Variants in ADAMTSL2 observed in about 807,000 individuals in gnomAD.
ADAMTSL2 encodes the protein ADAMTS like 2.
A neutral mutation model predicts 117.0 loss-of-function variants in ADAMTSL2; 55 were observed. The ratio of observed to expected loss-of-function variants is 0.47; its 90% CI spans 0.38 to 0.59. The LOEUF is 0.59. Ranked by LOEUF, ADAMTSL2 falls within the 20% of genes least tolerant of loss-of-function variation. The pLI is 0.00. For missense variants in ADAMTSL2, 1,182 were observed against 1,354.5 expected, an observed-to-expected ratio of 0.87 and a Z score of 2.00; for synonymous variants, 572 against 566.4, an observed-to-expected ratio of 1.01 and a Z score of -0.14.
At chr9:133,553,276 G>A (rs1189578588) in intron 9 of ADAMTSL2, among the ~76,000 whole-genome samples, 2 of 152,120 alleles carry the variant, frequency 1.3e-5, no homozygotes, top group Non-Finnish European at 2.9e-5. Flanking sequence ...CTTCTGGTTG[G>A]TCTCTGTCCT....
chr9:133,569,453 TGCAAGACCAGC>T lies in ADAMTSL2; in HGVS notation c.2292_2302del (p.Cys764Ter). 6.2e-7 allele frequency: 1 copy of T among 1,613,616 alleles called. No individual in the cohort carries two copies. The highest frequency in any genetic ancestry group is 8.5e-7 in the Non-Finnish European group (1 of 1,180,024). On this transcript the variant is annotated frameshift_variant, in exon 16 of 19. Coordinates refer to ENST00000651351, the MANE Select transcript of ADAMTSL2 (RefSeq NM_014694.4). LOFTEE classifies it high-confidence loss of function. ...AGGCCGCACCATCAGGCACGTGTAC[TGCAAGACCAGC>T]GACGGACGGGTAGTACCTGAGTCCC...
chr9:133,568,895 GTTA>G, intron 15 of ADAMTSL2, 137 bp downstream of exon 15: 3 of 1,168,732 alleles, frequency 2.6e-6, no homozygotes, highest in Non-Finnish European at 3.7e-6. Flanking sequence ...CTTCTCCCAT[GTTA>G]TTATAGGAAT....
intron 5 of ADAMTSL2, 129 bp downstream of exon 5, chr9:133,540,002 G>A: frequency 1.1e-6 from 1 of 873,180 alleles, no homozygotes; most frequent in Non-Finnish European, 1.8e-6. Flanking sequence ...CGAAGAGCCA[G>A]GAATGAACCT....
intron 12 of ADAMTSL2, among the ~76,000 whole-genome samples, chr9:133,565,188 A>G (rs1030821311): frequency 4.6e-5 from 7 of 152,000 alleles, no homozygotes; most frequent in African/African-American, 1.5e-4. Flanking sequence ...GGGTTTGAAA[A>G]GCACCGTTTT....
At chr9:133,540,824 C>CT in intron 6 of ADAMTSL2, 54 bp from the exon 7 acceptor site, 1 of 1,613,120 alleles carries the variant, frequency 6.2e-7, no homozygotes, top group Non-Finnish European at 8.5e-7. Flanking sequence ...GTGGCGGCCC[C>CT]GGGGCCTGGC....
Position 133,568,584 on chromosome 9 carries a change from C to A in ADAMTSL2, c.2089-19C>A. On this transcript the variant is annotated intron_variant, in intron 14 of 18. Coordinates refer to ENST00000651351, the MANE Select transcript of ADAMTSL2 (RefSeq NM_014694.4). The stretch of plus-strand genomic sequence containing the variant: ...CACCTGTGTCACACCCCCCCTGCCC[C>A]CTCCCCCTGCCGCCCCAGTGCACTG... 1.3e-6 allele frequency: 2 copies of A among 1,564,590 alleles called. No homozygotes were observed. The highest frequency in any genetic ancestry group is 1.2e-5 in the South Asian group (1 of 85,460).
chr9:133,563,818 GGAGAGAGAGAGAGAGA>G, intron 12 of ADAMTSL2, among the ~76,000 whole-genome samples: 1 of 33,516 alleles, frequency 3.0e-5, no homozygotes, highest in South Asian at 8.6e-4. Flanking sequence ...AGAGAAAGGG[GGAGAGAGAGAGAGAGA>G]GAGAGAGAGG....
Position 133,558,225 on chromosome 9 carries a change from G to A in ADAMTSL2, c.1649+2295G>A, listed in dbSNP as rs917303893. 3.3e-5 allele frequency among the ~76,000 whole-genome samples: 5 copies of A among 152,250 alleles called. No homozygotes were observed. Among genetic ancestry groups the A allele is most frequent in the South Asian group, 4.1e-4 (2 of 4,828 alleles). ...ACTGCTGAGATGCCGCTGCTCCCCC[G>A]GCCGGCCTGCCATCAAAGGATGCTG... is the stretch of plus-strand genomic sequence containing the variant. On this transcript the variant is annotated intron_variant, in intron 11 of 18. Coordinates refer to ENST00000651351, the MANE Select transcript of ADAMTSL2 (RefSeq NM_014694.4). This position sits in a 1 kb window ranked among gnomAD's most constrained non-coding sequence, Gnocchi z 4.3.
intron 4 of ADAMTSL2, 152 bp downstream of exon 4, chr9:133,538,576 C>CG (rs1012510626): frequency 4.7e-6 from 4 of 855,396 alleles, no homozygotes; most frequent in Admixed American, 4.2e-5. Context: ...GAGAAGGCTG[C>CG]GGGGGGCCCT....
chr9:133,569,655 G>C, intron 16 of ADAMTSL2, 77 bp downstream of exon 16: 3 of 1,422,016 alleles, frequency 2.1e-6, no homozygotes, highest in Non-Finnish European at 2.9e-6. Flanking sequence ...CCAGATGGCT[G>C]GGACCACAGA....
Position 133,568,173 on chromosome 9 carries a change from G to A in ADAMTSL2, c.1875-100G>A, listed in dbSNP as rs1831019185. The A allele has an allele frequency of 3.2e-6, 4 of 1,241,586 alleles. 1 individual carries two copies. In the South Asian group the frequency reaches 4.0e-5, roughly 12 times the overall value. 76.9% of individuals were successfully genotyped at this position (1,241,586 alleles called of 1,614,324 possible). On this transcript the variant is annotated intron_variant, in intron 13 of 18. Coordinates refer to ENST00000651351, the MANE Select transcript of ADAMTSL2 (RefSeq NM_014694.4). The stretch of plus-strand genomic sequence containing the variant: ...TTGTGTGCGGTTTTGGACCACATAG[G>A]GGAGGAAGGGAGGAGCCGCGTTGTC...
Position 133,557,192 on chromosome 9 carries a change from G to C in ADAMTSL2, c.1649+1262G>C, listed in dbSNP as rs967594642. ...TCCCACCCATCCAGCCCTGGGACCA[G>C]AGCAACAAAGCCAACCTCCCTGGTG... is the stretch of plus-strand genomic sequence containing the variant. On this transcript the variant is annotated intron_variant, in intron 11 of 18. Coordinates refer to ENST00000651351, the MANE Select transcript of ADAMTSL2 (RefSeq NM_014694.4). This position sits in a 1 kb window ranked among gnomAD's most constrained non-coding sequence, Gnocchi z 5.2. 1.3e-5 allele frequency among the ~76,000 whole-genome samples: 2 copies of C among 152,210 alleles called. No homozygotes were observed. The highest frequency in any genetic ancestry group is 4.8e-5 in the African/African-American group (2 of 41,454).
In ADAMTSL2 at chr9:133,554,669, C is replaced by A; in HGVS notation, c.1252C>A (p.Pro418Thr). Reference sequence around the variant, plus strand: ...GGCCGGCGGCGGGGCCTGCGAGGGGCCCCCCAGGGGCAAGGGCTTCCGAGG... The same window carrying A: ...GGCCGGCGGCGGGGCCTGCGAGGGGACCCCCAGGGGCAAGGGCTTCCGAGG... Reference protein sequence around the residue: ...EQAGGGACEGPPRGKGFRDRN... With the variant: ...EQAGGGACEGTPRGKGFRDRN... Residue 418 changes from proline to threonine, a missense_variant, in exon 10 of 19, where the codon CCC becomes ACC. Pro to Thr is a conservative substitution (Grantham distance 38). Coordinates refer to ENST00000651351, the MANE Select transcript of ADAMTSL2 (RefSeq NM_014694.4). This position sits in a 1 kb window ranked among gnomAD's most constrained non-coding sequence, Gnocchi z 5.2. 3 of 1,513,936 alleles carry A rather than the reference C, an allele frequency of 2.0e-6. No homozygotes were observed. The highest frequency in any genetic ancestry group is 2.4e-5 in the East Asian group (1 of 40,942). 93.8% of individuals were successfully genotyped at this position (1,513,936 alleles called of 1,614,324 possible). A position where few individuals can be genotyped will look rare whatever the true frequency, so the allele number is the denominator to read the frequency against.
Position 133,568,731 on chromosome 9 carries a change from G to A in ADAMTSL2, c.2217G>A (p.Arg739=), listed in dbSNP as rs1022617414. 1.3e-5 allele frequency: 21 copies of A among 1,613,062 alleles called. No individual in the cohort carries two copies. The highest frequency in any genetic ancestry group is 3.3e-5 in the Admixed American group (2 of 60,012). ...EKNCTGPPCD[R]QWTVSDWGPC... The stretch of plus-strand genomic sequence containing the variant: ...ACTGCACGGGCCCGCCCTGTGACCG[G>A]CAGTGGACCGTCTCCGACTGGGGAC... Residue 739 remains arginine, a synonymous_variant, in exon 15 of 19, where the codon CGG becomes CGA. Coordinates refer to ENST00000651351, the MANE Select transcript of ADAMTSL2 (RefSeq NM_014694.4).
chr9:133,546,959 G>A (rs1830363608), intron 8 of ADAMTSL2, 79 bp from the exon 9 acceptor site: 1 of 1,442,816 alleles, frequency 6.9e-7, no homozygotes, highest in Non-Finnish European at 9.8e-7. Flanking sequence ...CAGGGCTGGT[G>A]GTGGTTCCCT....
chr9:133,552,967 G>C (rs929444951), intron 9 of ADAMTSL2, among the ~76,000 whole-genome samples: 5 of 152,194 alleles, frequency 3.3e-5, no homozygotes, highest in Non-Finnish European at 7.3e-5. Context: ...TGGTCCTGCC[G>C]TTCCATTGGT....
At chr9:133,536,110 T>C (rs2131086657) in intron 1 of ADAMTSL2, among the ~76,000 whole-genome samples, 1 of 152,332 alleles carries the variant, frequency 6.6e-6, no homozygotes, top group East Asian at 1.9e-4. Flanking sequence ...TGTTGCTGGA[T>C]GCTGACTGTG....
intron 12 of ADAMTSL2, among the ~76,000 whole-genome samples, chr9:133,561,882 G>A (rs1471674493): frequency 8.5e-5 from 13 of 152,196 alleles, no homozygotes; most frequent in Non-Finnish European, 7.3e-5. Context: ...GGCCACAGCC[G>A]CTAGAGCTGG....
rs1242190488 is a variant in ADAMTSL2 at position 133,554,524 on chromosome 9, C to A, written c.1107C>A (p.Ser369=). Residue 369 remains serine, a synonymous_variant, in exon 10 of 19, where the codon TCC becomes TCA. Transcript: ENST00000651351. The surrounding 1 kb of genome is among the most constrained non-coding windows in gnomAD (Gnocchi z 5.2). ...GLMGFVPHNG[S]LYGQASSERL... Reference sequence around the variant, plus strand: ...TGGGCTTCGTCCCGCACAACGGCTCCCTCTACGGCCAGGCCTCCTCAGAGC... The same window carrying A: ...TGGGCTTCGTCCCGCACAACGGCTCACTCTACGGCCAGGCCTCCTCAGAGC... The A allele has an allele frequency of 3.2e-6, 5 of 1,549,526 alleles. No homozygotes were observed. The African/African-American group carries it at 6.8e-5, about 21-fold the overall frequency.
Sources: gnomAD v4.1 joint callset for allele counts (sites outside exome capture counted in the v4.1 genomes callset) on GRCh38, gnomAD v4.1.1 for gene constraint, Gnocchi (gnomAD v3.1) non-coding constraint, MANE v1.5 for transcripts, NCBI Gene and HGNC (gene_info 2026-07-23, HGNC 2026-07-21) for gene names.